The following CES4A variants were observed in gnomAD, a reference collection of about 807,000 sequenced individuals.
CES4A encodes carboxylesterase 4A.
In CES4A, 48 loss-of-function variants were observed where a neutral mutation model predicts 65.4. The ratio of observed to expected loss-of-function variants is 0.73; its 90% CI spans 0.58 to 0.93. The LOEUF (loss-of-function observed/expected upper bound fraction) is 0.93. Among genes scored for constraint, CES4A ranks in the 40% least tolerant of loss-of-function variants. The pLI is 0.00. For missense variants in CES4A, 685 were observed against 728.5 expected, an observed-to-expected ratio of 0.94 and a Z score of 0.69; for synonymous variants, 247 against 281.8, an observed-to-expected ratio of 0.88 and a Z score of 1.24.
intron 10 of CES4A, 132 bp from the exon 11 acceptor site, chr16:67,005,108 C>A (rs1247217108): frequency 3.2e-6 from 3 of 946,648 alleles, no homozygotes; most frequent in Non-Finnish European, 5.0e-6. Context: ...GAAACTTTCC[C>A]AGGAAGCTCC....
chr16:67,008,195 A>G (rs1353948894), intron 13 of CES4A: 3 of 152,192 alleles, frequency 2.0e-5, no homozygotes, highest in Non-Finnish European at 4.4e-5. Flanking sequence ...TGTTGGTCTT[A>G]CAGGTGTTAG....
At position 67,000,436 on chromosome 16, in the gene CES4A, G is replaced by A; in HGVS notation, c.261-202G>A. ...TGAGGCGCCGGGCAGGGAGGGGATG[G>A]TTCCTGAGAGGCCAACCTGCCTCCC... is the stretch of plus-strand genomic sequence containing the variant. On this transcript the variant is annotated intron_variant, in intron 2 of 13. Transcript: ENST00000648724. This position sits in a 1 kb window ranked among gnomAD's most constrained non-coding sequence, Gnocchi z 4.2. 2 of 1,403,552 alleles carry A rather than the reference G, an allele frequency of 1.4e-6. No homozygotes were observed. 86.9% of individuals were successfully genotyped at this position (1,403,552 alleles called of 1,614,324 possible).
chr16:66,999,560 G>A (rs1333477515), intron 2 of CES4A, among the ~76,000 whole-genome samples: 1 of 152,214 alleles, frequency 6.6e-6, no homozygotes, highest in African/African-American at 2.4e-5. Context: ...CCAGCACTTT[G>A]GGAGGCCGAG....
chr16:66,988,823 G>T, exon 1 of CES4A: 1 of 1,566,662 alleles, frequency 6.4e-7, no homozygotes. Flanking sequence ...TGGCGCAGAC[G>T]GCCTTGGGTA....
chr16:67,005,354 T>C (rs1267777538), exon 11 of CES4A: 7 of 1,614,012 alleles, frequency 4.3e-6, no homozygotes, highest in Non-Finnish European at 4.2e-6. Flanking sequence ...AGATGCCACT[T>C]TCGTGTATGC....
rs1964721749 is a variant in CES4A, at chr16:66,995,072, G to A, written c.59-556G>A. On this transcript the variant is annotated intron_variant, in intron 1 of 13. Transcript: ENST00000648724. ...CACACCTGTAATCCCAGCACTTTGG[G>A]AGGCCAAGGCGGGCAGATCACGAGG... is the stretch of plus-strand genomic sequence containing the variant. 3.3e-5 allele frequency among the ~76,000 whole-genome samples: 5 copies of A among 151,546 alleles called. No homozygotes were observed. In the South Asian group the frequency reaches 1.0e-3, roughly 31 times the overall value.
chr16:66,996,126 C>T (rs1458366890), intron 2 of CES4A: 1 of 505,682 alleles, frequency 2.0e-6, no homozygotes. Flanking sequence ...CAACCTCCGC[C>T]TCCCGGGTTC....
In CES4A at chr16:67,000,957, T is replaced by G. The variant is rs764378038; in HGVS notation, c.503T>G (p.Leu168Arg). The stretch of plus-strand genomic sequence containing the variant: ...CGCGAGAAAGTGGTGCTGGTGTTTC[T>G]GCAGCACAGGCTCGGCATCTTCGGC... Residue 168 changes from leucine to arginine, a missense_variant, in exon 4 of 14, where the codon CTG (leucine) becomes CGG (arginine). Leu to Arg is a moderately radical substitution (Grantham distance 102, BLOSUM62 -2). Transcript: ENST00000648724. This position sits in a 1 kb window ranked among gnomAD's most constrained non-coding sequence, Gnocchi z 4.2. 1 of 1,613,172 alleles carries G rather than the reference T, an allele frequency of 6.2e-7. No individual in the cohort carries two copies.
intron 2 of CES4A, among the ~76,000 whole-genome samples, chr16:66,998,663 T>C (rs998491285): frequency 1.3e-5 from 2 of 152,000 alleles, no homozygotes; most frequent in African/African-American, 4.8e-5. Context: ...GGTCAGGAGT[T>C]CGAGACCAGC....
At chr16:67,005,631 G>A (rs1475192001) in intron 11 of CES4A, 1 of 455,692 alleles carries the variant, frequency 2.2e-6, no homozygotes, top group Non-Finnish European at 3.9e-6. Flanking sequence ...TGGATCATTT[G>A]AGGCCAGGAG....
rs1965358680 is a variant in CES4A, at chr16:67,001,587, C to G, written c.690+126C>G. The stretch of plus-strand genomic sequence containing the variant: ...GGAACGTGCCTGCCACAGAAATGCT[C>G]TCGCCCCTGCCAAGGGTACAGCCCC... On this transcript the variant is annotated intron_variant, in intron 5 of 13. Transcript: ENST00000648724. The surrounding 1 kb of genome is among the most constrained non-coding windows in gnomAD (Gnocchi z 4.1). 1.7e-6 allele frequency: 2 copies of G among 1,150,122 alleles called. No homozygotes were observed. Among genetic ancestry groups the G allele is most frequent in the Non-Finnish European group, 2.4e-6 (2 of 828,296 alleles). 71.2% of individuals were successfully genotyped at this position (1,150,122 alleles called of 1,614,324 possible). A position where few individuals can be genotyped will look rare whatever the true frequency, so the allele number is the denominator to read the frequency against.
At chr16:66,999,613 C>T (rs1435355370) in intron 2 of CES4A, among the ~76,000 whole-genome samples, 1 of 152,186 alleles carries the variant, frequency 6.6e-6, no homozygotes. Context: ...ACCAGCCTGG[C>T]CAACATGGTG....
At position 67,000,887 on chromosome 16, in the gene CES4A, A is replaced by G; in HGVS notation, c.433A>G (p.Ile145Val). Residue 145 changes from isoleucine (I) to valine (V), a missense_variant, in exon 4 of 14, where the codon ATC becomes GTC. Coordinates refer to ENST00000648724, the Ensembl canonical transcript of CES4A. The surrounding 1 kb of genome is among the most constrained non-coding windows in gnomAD (Gnocchi z 4.2). ...GGTCTGGTTCCCGGGAGGCGCCTTC[A>G]TCGTGGGCGCTGCTTCTTCGTACGA... The G allele has an allele frequency of 6.2e-7, 1 of 1,609,182 alleles. No individual in the cohort carries two copies. The highest frequency in any genetic ancestry group is 8.5e-7 in the Non-Finnish European group (1 of 1,177,846).
chr16:67,004,804 C>G, exon 10 of CES4A: 1 of 1,536,076 alleles, frequency 6.5e-7, no homozygotes, highest in African/African-American at 1.4e-5. Context: ...TCATGAAGTT[C>G]CCGCTAAACC....
chr16:66,991,393 A>G (rs1964382893), intron 1 of CES4A, among the ~76,000 whole-genome samples: 1 of 152,236 alleles, frequency 6.6e-6, no homozygotes, highest in Non-Finnish European at 1.5e-5. Context: ...GTATCAGTTT[A>G]TCCTCCACCA....
In CES4A at chr16:67,000,567, C is replaced by T. The variant is rs1965209659; in HGVS notation, c.261-71C>T. The T allele has an allele frequency of 3.3e-6, 5 of 1,494,856 alleles. No individual in the cohort carries two copies. The Admixed American group carries it at 1.2e-4, about 35-fold the overall frequency. The allele number at this position is 1,494,856 out of a possible 1,614,324, so 92.6% of individuals were successfully genotyped here. A position where few individuals can be genotyped will look rare whatever the true frequency, so the allele number is the denominator to read the frequency against. On this transcript the variant is annotated intron_variant, in intron 2 of 13. Transcript: ENST00000648724. This position sits in a 1 kb window ranked among gnomAD's most constrained non-coding sequence, Gnocchi z 4.2. ...CGCTGCCTGGATTTTGCTTTGGGTT[C>T]CGTCTTCTCACTGCGGACCCTGGAT...
chr16:66,993,563 C>T (rs1333156551), intron 1 of CES4A, among the ~76,000 whole-genome samples: 2 of 151,370 alleles, frequency 1.3e-5, no homozygotes, highest in Non-Finnish European at 3.0e-5. Context: ...AGGCTGGTCT[C>T]GAACTCCTGA....
At position 67,001,702 on chromosome 16, in the gene CES4A, A is replaced by G. The variant is rs2145634546; in HGVS notation, c.690+241A>G. 6.6e-6 allele frequency among the ~76,000 whole-genome samples: 1 copy of G among 152,368 alleles called. No homozygotes were observed. The highest frequency in any genetic ancestry group is 2.4e-5 in the African/African-American group (1 of 41,592). On this transcript the variant is annotated intron_variant, in intron 5 of 13. Coordinates refer to ENST00000648724, the Ensembl canonical transcript of CES4A. This position sits in a 1 kb window ranked among gnomAD's most constrained non-coding sequence, Gnocchi z 4.1. ...GGTAGTGCTGAGGCTTGGGGTAATC[A>G]GTGAATCCAGGTGCTACCCAGCACC...
chr16:66,997,503 A>G (rs114261587), intron 2 of CES4A, among the ~76,000 whole-genome samples: 1 of 152,276 alleles, frequency 6.6e-6, no homozygotes, highest in African/African-American at 2.4e-5. Context: ...TCAGACTCCA[A>G]ATTTATTTTG....
Sources: gnomAD v4.1 joint callset for allele counts (sites outside exome capture counted in the v4.1 genomes callset) on GRCh38, gnomAD v4.1.1 for gene constraint, Gnocchi (gnomAD v3.1) non-coding constraint, MANE v1.5 for transcripts, NCBI Gene and HGNC (gene_info 2026-07-23, HGNC 2026-07-21) for gene names.